PTH1R: variants seen among roughly 807,000 people sequenced by gnomAD.
PTH1R encodes the protein parathyroid hormone/parathyroid hormone-related peptide receptor.
A neutral mutation model predicts 70.7 loss-of-function variants in PTH1R; 32 were observed. The ratio of observed to expected loss-of-function variants is 0.45; its 90% CI spans 0.34 to 0.61. The LOEUF is 0.61. PTH1R is among the 20% of genes least tolerant of loss of function. PTH1R has a pLI of 0.01. For synonymous variants in PTH1R, 329 were observed against 324.8 expected (o/e 1.01, Z -0.14); for missense variants, 626 against 792.5 (o/e 0.79, Z 2.52).
rs774450364 is a variant in PTH1R, at chr3:46,898,197, G to A, written c.543+5G>A. The A allele has an allele frequency of 2.5e-6, 4 of 1,613,710 alleles. No individual in the cohort carries two copies. Among genetic ancestry groups the A allele is most frequent in the Admixed American group, 1.7e-5 (1 of 60,008 alleles). On this transcript the variant is annotated splice_donor_5th_base_variant and intron_variant, in intron 7 of 15. Coordinates refer to ENST00000449590, the MANE Select transcript of PTH1R (RefSeq NM_000316.3). ...ACCAATGAGACTCGTGAACGGGTGC[G>A]AGCCTTTCTCCTCCCCAACCTGACC... is the stretch of plus-strand genomic sequence containing the variant.
At chr3:46,881,324 C>A (rs1429689532) in intron 2 of PTH1R, among the ~76,000 whole-genome samples, 1 of 152,176 alleles carries the variant, frequency 6.6e-6, no homozygotes, top group Admixed American at 6.5e-5. Context: ...CCCTCCCCAG[C>A]CAAACACAGA....
At chr3:46,889,865 G>A (rs543387518) in intron 3 of PTH1R, among the ~76,000 whole-genome samples, 60 of 152,260 alleles carry the variant, frequency 3.9e-4, no homozygotes, top group Middle Eastern at 3.4e-3. Flanking sequence ...CTAAGGGGAC[G>A]CAAGCCTGAG....
Position 46,892,896 on chromosome 3 carries a change from G to A in PTH1R, c.76-1011G>A, listed in dbSNP as rs2031517933. On this transcript the variant is annotated intron_variant, in intron 3 of 15. Transcript: ENST00000449590. The surrounding 1 kb of genome is among the most constrained non-coding windows in gnomAD (Gnocchi z 5.2). ...AACACGACCCTGAATTAAGAGGGAT[G>A]GGGCTGAGGGCTTCACAGCCCCGCC... The A allele has an allele frequency of 1.3e-6, 1 of 795,498 alleles. No individual in the cohort carries two copies. The highest frequency in any genetic ancestry group is 5.7e-5 in the South Asian group (1 of 17,678). The allele number at this position is 795,498 out of a possible 1,614,324, so 49.3% of individuals were successfully genotyped here. A position where few individuals can be genotyped will look rare whatever the true frequency, so the allele number is the denominator to read the frequency against.
rs144399836 is a variant in PTH1R at position 46,892,960 on chromosome 3, C to T, written c.76-947C>T. 2.7e-4 allele frequency: 80 copies of T among 293,452 alleles called. 1 individual carries two copies. The highest frequency in any genetic ancestry group is 1.6e-3 in the African/African-American group (73 of 44,472). 18.2% of individuals were successfully genotyped at this position (293,452 alleles called of 1,614,324 possible). On this transcript the variant is annotated intron_variant, in intron 3 of 15. Transcript: ENST00000449590. The surrounding 1 kb of genome is among the most constrained non-coding windows in gnomAD (Gnocchi z 5.2). Reference sequence around the variant, plus strand: ...AGAGACCGCCTTAACCTCTGCGGGTCACATTCACGGGAATGGCTGGGCTAG... The same window carrying T: ...AGAGACCGCCTTAACCTCTGCGGGTTACATTCACGGGAATGGCTGGGCTAG...
chr3:46,891,806 C>T lies in PTH1R; in HGVS notation c.76-2101C>T, dbSNP rs185876064. 3.3e-5 allele frequency among the ~76,000 whole-genome samples: 5 copies of T among 151,792 alleles called. No homozygotes were observed. Among genetic ancestry groups the T allele is most frequent in the African/African-American group, 2.4e-5 (1 of 41,338 alleles). On this transcript the variant is annotated intron_variant, in intron 3 of 15. Transcript: ENST00000449590. The surrounding 1 kb of genome is among the most constrained non-coding windows in gnomAD (Gnocchi z 4.3). ...GTTACAGTAGTGCTCATGGTGGTAACGGTGATGCCAGTGGTGGTGGTGGTA... is the reference window on the plus strand; with the variant it reads ...GTTACAGTAGTGCTCATGGTGGTAATGGTGATGCCAGTGGTGGTGGTGGTA...
intron 3 of PTH1R, among the ~76,000 whole-genome samples, chr3:46,887,923 C>T (rs2031143252): frequency 1.3e-5 from 2 of 152,186 alleles, no homozygotes; most frequent in Non-Finnish European, 1.5e-5. Context: ...CCTTGAAATG[C>T]CCTCTAGTGT....
At chr3:46,888,899 T>TC (rs531757608) in intron 3 of PTH1R, among the ~76,000 whole-genome samples, 7 of 151,952 alleles carry the variant, frequency 4.6e-5, no homozygotes, top group South Asian at 2.1e-4. Context: ...CAGTGCCTCT[T>TC]CCCCCCCAGC....
At chr3:46,899,547 A>C (rs1376930334) in intron 10 of PTH1R, 91 bp downstream of exon 10, 6 of 1,490,326 alleles carry the variant, frequency 4.0e-6, no homozygotes, top group Non-Finnish European at 5.4e-6. Flanking sequence ...GCGCCCACAC[A>C]GCACATCCCG....
At chr3:46,899,789 C>T (rs2032004718) in intron 10 of PTH1R, among the ~76,000 whole-genome samples, 1 of 152,184 alleles carries the variant, frequency 6.6e-6, no homozygotes, top group South Asian at 2.1e-4. Flanking sequence ...AATTGGGATC[C>T]GGGACCCTCC....
intron 3 of PTH1R, among the ~76,000 whole-genome samples, chr3:46,885,632 A>G (rs1249467503): frequency 6.6e-6 from 1 of 152,188 alleles, no homozygotes; most frequent in Non-Finnish European, 1.5e-5. Context: ...GAGTAGAAGG[A>G]CAGATGCCAG....
Position 46,899,456 on chromosome 3 carries a change from G to A in PTH1R, c.988G>A (p.Gly330Ser), listed in dbSNP as rs2031982312. 6.2e-7 allele frequency: 1 copy of A among 1,610,676 alleles called. No homozygotes were observed. The highest frequency in any genetic ancestry group is 1.7e-5 in the Admixed American group (1 of 59,994). Residue 330 changes from glycine (G) to serine (S), a missense_variant and splice_region_variant, in exon 10 of 16, where the codon GGT (glycine) becomes AGT (serine). This residue lies in a region of PTH1R where 495 missense variants were observed against 638.7 expected (regional missense o/e 0.77). Coordinates refer to ENST00000449590, the MANE Select transcript of PTH1R (RefSeq NM_000316.3). ...GTGGGGCTTCACAGTCTTCGGCTGG[G>A]GTACGCGGGCACAGCGGGTAGCGAG... ...YLWGFTVFGW[G>S]LPAVFVAVWV...
Position 46,883,728 on chromosome 3 carries a change from A to G in PTH1R, c.75+94A>G. 1 of 1,434,810 alleles carries G rather than the reference A, an allele frequency of 7.0e-7. No individual in the cohort carries two copies. Among genetic ancestry groups the G allele is most frequent in the South Asian group, 1.2e-5 (1 of 81,894 alleles). The allele number at this position is 1,434,810 out of a possible 1,614,324, so 88.9% of individuals were successfully genotyped here. A position where few individuals can be genotyped will look rare whatever the true frequency, so the allele number is the denominator to read the frequency against. On this transcript the variant is annotated intron_variant, in intron 3 of 15. Coordinates refer to ENST00000449590, the MANE Select transcript of PTH1R (RefSeq NM_000316.3). This position sits in a 1 kb window ranked among gnomAD's most constrained non-coding sequence, Gnocchi z 6.4. ...AAGGCACGCAGTCTTGAGTTCCCCC[A>G]GTAGTTCGAACTTTGGGTGAGAGTC...
chr3:46,878,253 C>T (rs974277712), intron 1 of PTH1R, among the ~76,000 whole-genome samples: 1 of 152,230 alleles, frequency 6.6e-6, no homozygotes, highest in Non-Finnish European at 1.5e-5. Context: ...TGTTTATGAG[C>T]AGCCGAAATG....
chr3:46,898,735 T>G lies in PTH1R; in HGVS notation c.712T>G (p.Phe238Val). Residue 238 changes from phenylalanine to valine, a missense_variant, in exon 9 of 16, where the codon TTC becomes GTC. Around this residue, in one of 3 missense-constraint regions of PTH1R, gnomAD observed 495 missense variants for 638.7 expected, o/e 0.77. Transcript: ENST00000449590. The part of the protein sequence containing the change: ...LSFMLRAVSI[F>V]VKDAVLYSGA... ...CTTCATGCTGCGCGCCGTGAGCATC[T>G]TCGTCAAGGACGCTGTGCTCTACTC... 1 of 1,610,612 alleles carries G rather than the reference T, an allele frequency of 6.2e-7. No individual in the cohort carries two copies. Among genetic ancestry groups the G allele is most frequent in the Non-Finnish European group, 8.5e-7 (1 of 1,179,488 alleles).
intron 3 of PTH1R, among the ~76,000 whole-genome samples, chr3:46,885,187 G>GGT (rs1231883723): frequency 9.2e-5 from 14 of 152,144 alleles, no homozygotes; most frequent in Admixed American, 9.2e-4. Context: ...CTCTGGGCAT[G>GGT]GTGTTCATCT....
At chr3:46,895,684 C>A in intron 4 of PTH1R, 51 bp from the exon 5 acceptor site, 1 of 1,613,486 alleles carries the variant, frequency 6.2e-7, no homozygotes, top group Non-Finnish European at 8.5e-7. Flanking sequence ...TACCCTGGGT[C>A]TCCTGTTGTA....
At chr3:46,885,699 C>T (rs1166986609) in intron 3 of PTH1R, among the ~76,000 whole-genome samples, 1 of 152,198 alleles carries the variant, frequency 6.6e-6, no homozygotes, top group African/African-American at 2.4e-5. Context: ...CACTCCCTGG[C>T]TTCGGGGCCA....
At position 46,901,839 on chromosome 3, in the gene PTH1R, G is replaced by A. The variant is rs745899596; in HGVS notation, c.1190G>A (p.Cys397Tyr). ...TKLRETNAGRCDTRQQYRKLL... is the reference protein window; with the variant it reads ...TKLRETNAGRYDTRQQYRKLL... ...CTGCGGGAGACCAACGCCGGCCGGTGTGACACACGGCAGCAGTACCGGTGA... is the reference window on the plus strand; with the variant it reads ...CTGCGGGAGACCAACGCCGGCCGGTATGACACACGGCAGCAGTACCGGTGA... Residue 397 changes from cysteine (C) to tyrosine (Y), a missense_variant, in exon 13 of 16, where the codon TGT becomes TAT. Transcript: ENST00000449590. The surrounding 1 kb of genome is among the most constrained non-coding windows in gnomAD (Gnocchi z 7.3). The A allele has an allele frequency of 1.9e-6, 3 of 1,613,854 alleles. No homozygotes were observed. Among genetic ancestry groups the A allele is most frequent in the South Asian group, 2.2e-5 (2 of 91,084 alleles).
intron 3 of PTH1R, among the ~76,000 whole-genome samples, chr3:46,885,770 C>T (rs1418610759): frequency 6.6e-6 from 1 of 152,180 alleles, no homozygotes; most frequent in African/African-American, 2.4e-5. Context: ...TATGGGCCCC[C>T]TGGACTCATC....
Sources: gnomAD v4.1 joint callset for allele counts (sites outside exome capture counted in the v4.1 genomes callset) on GRCh38, gnomAD v4.1.1 for gene constraint, gnomAD v4.1.1 regional missense constraint, Gnocchi (gnomAD v3.1) non-coding constraint, MANE v1.5 for transcripts, NCBI Gene and HGNC (gene_info 2026-07-23, HGNC 2026-07-21) for gene names.